The following SECISBP2L variants were observed in gnomAD, a reference collection of about 807,000 sequenced individuals.
SECISBP2L encodes selenocysteine insertion sequence-binding protein 2-like.
Under a neutral mutation model 114.7 loss-of-function variants are expected in SECISBP2L, and 43 were observed. That is an observed-to-expected ratio of 0.38 (90% CI 0.29 to 0.48). The LOEUF is 0.48. SECISBP2L is among the 20% of genes least tolerant of loss of function. SECISBP2L has a pLI of 0.98. For synonymous variants in SECISBP2L, 451 were observed against 439.7 expected, an observed-to-expected ratio of 1.03 and a Z score of -0.32; for missense variants, 1,136 against 1,301.1, an observed-to-expected ratio of 0.87 and a Z score of 1.95.
chr15:49,043,827 TG>T (rs1250596635), intron 1 of SECISBP2L, among the ~76,000 whole-genome samples: 1 of 152,050 alleles, frequency 6.6e-6, no homozygotes, highest in African/African-American at 2.4e-5. Context: ...CATCTAGCAC[TG>T]TATTCCCAGT....
chr15:49,031,050 TTTTTTTTTTTC>T (rs1259635353), intron 4 of SECISBP2L, among the ~76,000 whole-genome samples: 2 of 128,358 alleles, frequency 1.6e-5, no homozygotes, highest in Non-Finnish European at 3.2e-5. Flanking sequence ...TTTTTTTTTT[TTTTTTTTTTTC>T]CCTTTTGAGA....
Position 49,012,797 on chromosome 15 carries a change from G to T in SECISBP2L, c.1582C>A (p.His528Asn). ...SYTVVTAASF[H>N]TKDSTNRKPL... ...TTTCTATTAGTAGAGTCTTTAGTGT[G>T]AAAAGAAGCTGCAGTAACCACTAAA... Residue 528 changes from histidine to asparagine, a missense_variant, in exon 12 of 18, where the codon CAC (histidine) becomes AAC (asparagine). By Grantham distance (68) the His-to-Asn change is moderately conservative. Around this residue, in one of 2 missense-constraint regions of SECISBP2L, gnomAD observed 684 missense variants for 848.7 expected, o/e 0.81. Transcript: ENST00000559471. 6.2e-7 allele frequency: 1 copy of T among 1,611,680 alleles called. No individual in the cohort carries two copies. Among genetic ancestry groups the T allele is most frequent in the Non-Finnish European group, 8.5e-7 (1 of 1,179,424 alleles).
chr15:48,994,000 T>C (rs1040320742), intron 17 of SECISBP2L, among the ~76,000 whole-genome samples: 2 of 152,086 alleles, frequency 1.3e-5, no homozygotes, highest in Non-Finnish European at 1.5e-5. Context: ...TATATTGATA[T>C]AGAACATGTT....
At chr15:49,037,034 T>C (rs1419635909) in intron 2 of SECISBP2L, among the ~76,000 whole-genome samples, 3 of 152,190 alleles carry the variant, frequency 2.0e-5, no homozygotes, top group Non-Finnish European at 4.4e-5. Flanking sequence ...AGGGTTAGAA[T>C]GGCTATCACG....
intron 14 of SECISBP2L, among the ~76,000 whole-genome samples, chr15:49,006,438 G>C (rs961826481): frequency 6.6e-6 from 1 of 152,038 alleles, no homozygotes; most frequent in Non-Finnish European, 1.5e-5. Flanking sequence ...TGGAGGCTTT[G>C]TTCATTCCTT....
intron 16 of SECISBP2L, 37 bp from the exon 17 acceptor site, chr15:48,996,623 T>G: frequency 6.4e-7 from 1 of 1,566,004 alleles, no homozygotes; most frequent in Non-Finnish European, 8.8e-7. Flanking sequence ...TCCATTTTTT[T>G]GTTACACTTT....
chr15:49,037,385 G>C (rs1903032597), intron 2 of SECISBP2L: 2 of 415,160 alleles, frequency 4.8e-6, no homozygotes, highest in African/African-American at 4.2e-5. Context: ...TACTGAAGGA[G>C]ACATAGCCTA....
rs1901960852 is a variant in SECISBP2L at position 48,990,858 on chromosome 15, G to A, written c.*1386C>T. ...TGTGTGCATGTGTGTGAGGGGGGTG[G>A]GGGGGACAGTTGGGGGTGGTGGGGA... On this transcript the variant is annotated 3_prime_UTR_variant, in exon 18 of 18. Coordinates refer to ENST00000559471, the MANE Select transcript of SECISBP2L (RefSeq NM_001193489.2). 1 of 147,888 alleles carries A rather than the reference G, an allele frequency of 6.8e-6. No individual in the cohort carries two copies. The highest frequency in any genetic ancestry group is 1.5e-5 in the Non-Finnish European group (1 of 66,990). 9.2% of individuals were successfully genotyped at this position (147,888 alleles called of 1,614,324 possible).
At chr15:49,000,449 C>G (rs1902178358) in intron 15 of SECISBP2L, among the ~76,000 whole-genome samples, 1 of 152,102 alleles carries the variant, frequency 6.6e-6, no homozygotes, top group South Asian at 2.1e-4. Flanking sequence ...CTAAAGTTGC[C>G]CATCGAAAAG....
chr15:48,995,725 G>T (rs1034263880), intron 17 of SECISBP2L, among the ~76,000 whole-genome samples: 1 of 152,060 alleles, frequency 6.6e-6, no homozygotes, highest in Non-Finnish European at 1.5e-5. Flanking sequence ...CTGAGATGTA[G>T]ACTTCAATAA....
At chr15:49,011,612 A>G in intron 13 of SECISBP2L, 119 bp downstream of exon 13, 1 of 1,196,204 alleles carries the variant, frequency 8.4e-7, no homozygotes, top group South Asian at 1.6e-5. Flanking sequence ...GAATAAAGAG[A>G]TTTATGTAAA....
chr15:49,021,409 A>G (rs1017321549), intron 7 of SECISBP2L, among the ~76,000 whole-genome samples: 1 of 152,276 alleles, frequency 6.6e-6, no homozygotes, highest in Admixed American at 6.5e-5. Flanking sequence ...TAAGACTCTT[A>G]AGACATTTCA....
chr15:49,016,756 T>C, intron 10 of SECISBP2L, 55 bp from the exon 11 acceptor site: 2 of 1,525,468 alleles, frequency 1.3e-6, no homozygotes, highest in Admixed American at 2.2e-5. Flanking sequence ...AACTGTGGCA[T>C]TTTAAGATGA....
intron 1 of SECISBP2L, among the ~76,000 whole-genome samples, chr15:49,045,818 AAC>A (rs1259964548): frequency 1.3e-5 from 2 of 152,228 alleles, no homozygotes; most frequent in Non-Finnish European, 2.9e-5. Flanking sequence ...CGCTCCATTG[AAC>A]ACAGACCTAA....
At chr15:49,034,315 A>T (rs1902959567) in intron 3 of SECISBP2L, among the ~76,000 whole-genome samples, 1 of 152,190 alleles carries the variant, frequency 6.6e-6, no homozygotes, top group South Asian at 2.1e-4. Flanking sequence ...CTTTCTTCCC[A>T]TTAGCTTTGA....
intron 14 of SECISBP2L, among the ~76,000 whole-genome samples, chr15:49,005,560 C>CTTTTT (rs752466722): frequency 2.7e-5 from 1 of 36,786 alleles, no homozygotes; most frequent in Non-Finnish European, 5.1e-5. Flanking sequence ...GCAACCCCTG[C>CTTTTT]TTTTTTTTTT....
In SECISBP2L at chr15:49,026,751, T is replaced by G. The variant is rs1902751598; in HGVS notation, c.1035+614A>C. On this transcript the variant is annotated intron_variant, in intron 7 of 17. Transcript: ENST00000559471. ...TAATTCCTTAAATAGAGTTAAGGAA[T>G]CCAAGAAGGCCATCTGAAAAATGAA... Among the ~76,000 whole-genome samples the G allele has an allele frequency of 1.3e-5, 2 of 152,142 alleles. 1 individual carries two copies. The highest frequency in any genetic ancestry group is 4.1e-4 in the South Asian group (2 of 4,830).
chr15:48,996,185 A>G (rs1412465425), intron 17 of SECISBP2L, among the ~76,000 whole-genome samples, 182 bp downstream of exon 17: 1 of 152,234 alleles, frequency 6.6e-6, no homozygotes, highest in Non-Finnish European at 1.5e-5. Context: ...GGGTCTCATA[A>G]GAAGTCTCAG....
At chr15:49,021,131 G>A (rs1228108485) in intron 7 of SECISBP2L, among the ~76,000 whole-genome samples, 1 of 151,978 alleles carries the variant, frequency 6.6e-6, no homozygotes, top group Non-Finnish European at 1.5e-5. Context: ...AGAAACCCCA[G>A]AGACGCCTTC....
Sources: gnomAD v4.1 joint callset for allele counts (sites outside exome capture counted in the v4.1 genomes callset) on GRCh38, gnomAD v4.1.1 for gene constraint, gnomAD v4.1.1 regional missense constraint, MANE v1.5 for transcripts, NCBI Gene and HGNC (gene_info 2026-07-23, HGNC 2026-07-21) for gene names.